Variants in SMAD3 observed in about 807,000 individuals in gnomAD.
SMAD3 encodes the protein SMAD family member 3.
Under a neutral mutation model 51.8 loss-of-function variants are expected in SMAD3, and 12 were observed. The observed-to-expected ratio is 0.23, with a 90% CI of 0.15 to 0.38. The LOEUF (loss-of-function observed/expected upper bound fraction) is 0.38, where lower values mean the gene tolerates loss of function less well. Among genes scored for constraint, SMAD3 ranks in the 10% least tolerant of loss-of-function variants. The pLI, the probability that SMAD3 is intolerant of heterozygous loss-of-function variation, is 1.00. For missense variants in SMAD3, 294 were observed against 565.6 expected (o/e 0.52, Z 4.87); for synonymous variants, 238 against 227.7 (o/e 1.05, Z -0.41).
rs1490083716 is a variant in SMAD3, at chr15:67,065,704, G to C, written c.-451G>C. On this transcript the variant is annotated 5_prime_UTR_variant, in exon 1 of 9. Transcript: ENST00000327367. The stretch of plus-strand genomic sequence containing the variant: ...GGCGAGCCGGGAGGAGGAGGGTGGC[G>C]GGGCGGTGAGGCCGCAGAGGCGGAG... The C allele has an allele frequency of 2.0e-5, 4 of 199,066 alleles. No homozygotes were observed. Among genetic ancestry groups the C allele is most frequent in the Admixed American group, 1.2e-4 (2 of 16,572 alleles). The allele number at this position is 199,066 out of a possible 1,614,324, so 12.3% of individuals were successfully genotyped here.
intron 1 of SMAD3, among the ~76,000 whole-genome samples, chr15:67,152,445 C>A (rs1429713751): frequency 6.6e-6 from 1 of 152,190 alleles, no homozygotes; most frequent in Non-Finnish European, 1.5e-5. Context: ...GAAGATGGGT[C>A]TAAACACACC....
At chr15:67,105,707 T>A (rs923944612) in intron 1 of SMAD3, among the ~76,000 whole-genome samples, 1 of 152,188 alleles carries the variant, frequency 6.6e-6, no homozygotes, top group Non-Finnish European at 1.5e-5. Context: ...GAAACAGGAA[T>A]GTGTCTCTTA....
At chr15:67,133,806 T>C (rs1202566822) in intron 1 of SMAD3, among the ~76,000 whole-genome samples, 2 of 152,086 alleles carry the variant, frequency 1.3e-5, no homozygotes, top group Admixed American at 1.3e-4. Flanking sequence ...GAATGATCTG[T>C]TTTAACCTTT....
In SMAD3 at chr15:67,066,398, G is replaced by A. The variant is rs753486545; in HGVS notation, c.206+38G>A. 30 of 1,574,128 alleles carry A rather than the reference G, an allele frequency of 1.9e-5. 1 individual carries two copies. In the South Asian group the frequency reaches 3.1e-4, roughly 16 times the overall value. ...CCGGGGGGGACCCGGGGTCACGCCG[G>A]CCCAGCCCCCTGGCACTGCGGGGCC... is the stretch of plus-strand genomic sequence containing the variant. On this transcript the variant is annotated intron_variant, in intron 1 of 8. Transcript: ENST00000327367.
intron 5 of SMAD3, among the ~76,000 whole-genome samples, chr15:67,171,522 T>C (rs1027971699): frequency 1.3e-5 from 2 of 152,254 alleles, no homozygotes; most frequent in Admixed American, 6.5e-5. Flanking sequence ...AGTTGGATTT[T>C]GTTTGGAACT....
intron 1 of SMAD3, among the ~76,000 whole-genome samples, chr15:67,156,683 G>C (rs906252533): frequency 1.3e-4 from 14 of 106,502 alleles, no homozygotes; most frequent in African/African-American, 5.2e-4. Context: ...TAAATCCATT[G>C]TTTATGCTCA....
intron 1 of SMAD3, among the ~76,000 whole-genome samples, chr15:67,130,893 A>G (rs1387173913): frequency 1.4e-5 from 2 of 143,568 alleles, no homozygotes; most frequent in South Asian, 2.4e-4. Flanking sequence ...AGTGGGGGGT[A>G]TGAGGTGGGG....
chr15:67,075,077 T>C (rs1960140135), intron 1 of SMAD3, among the ~76,000 whole-genome samples: 1 of 152,188 alleles, frequency 6.6e-6, no homozygotes, highest in Non-Finnish European at 1.5e-5. Flanking sequence ...TGTGTGTTTT[T>C]TAAAGGTCTG....
At chr15:67,081,675 C>T (rs903824675) in intron 1 of SMAD3, among the ~76,000 whole-genome samples, 10 of 152,132 alleles carry the variant, frequency 6.6e-5, no homozygotes, top group Admixed American at 4.6e-4. Flanking sequence ...CCAAGGGTGG[C>T]CACAACTGTT....
At chr15:67,181,628 T>A (rs899954816) in intron 6 of SMAD3, among the ~76,000 whole-genome samples, 175 bp downstream of exon 6, 3 of 151,844 alleles carry the variant, frequency 2.0e-5, no homozygotes, top group African/African-American at 7.3e-5. Context: ...TCCCCTACAC[T>A]CTCTGTTGCC....
intron 8 of SMAD3, among the ~76,000 whole-genome samples, chr15:67,188,927 G>T (rs577347732): frequency 6.6e-6 from 1 of 152,150 alleles, no homozygotes; most frequent in Non-Finnish European, 1.5e-5. Flanking sequence ...AGGGTGTCAG[G>T]GAACACAGCC....
intron 1 of SMAD3, among the ~76,000 whole-genome samples, chr15:67,150,819 TATTAAGAGAGCAAAGCTA>T (rs1566985973): frequency 1.1e-4 from 11 of 100,790 alleles, no homozygotes; most frequent in Non-Finnish European, 1.8e-4. Context: ...TTTTTTTTTT[TATTAAGAGAGCAAAGCTA>T]TTTCTCAGTC....
At chr15:67,118,534 G>C (rs1435577270) in intron 1 of SMAD3, among the ~76,000 whole-genome samples, 2 of 152,168 alleles carry the variant, frequency 1.3e-5, no homozygotes, top group Admixed American at 1.3e-4. Flanking sequence ...AATCGGGTGA[G>C]GGGAGATGTA....
intron 1 of SMAD3, among the ~76,000 whole-genome samples, chr15:67,122,818 C>CAAGG (rs1264973939): frequency 6.6e-6 from 1 of 152,128 alleles, no homozygotes; most frequent in Non-Finnish European, 1.5e-5. Flanking sequence ...GGACTTCAGA[C>CAAGG]AAGGACTTAA....
At chr15:67,090,240 T>C (rs1050038311) in intron 1 of SMAD3, among the ~76,000 whole-genome samples, 1 of 152,112 alleles carries the variant, frequency 6.6e-6, no homozygotes, top group African/African-American at 2.4e-5. Context: ...GTGCCTCTCC[T>C]GGGGTGGTGG....
chr15:67,067,655 G>A (rs1031979880), intron 1 of SMAD3, among the ~76,000 whole-genome samples: 1 of 152,214 alleles, frequency 6.6e-6, no homozygotes, highest in Admixed American at 6.5e-5. Context: ...GGAACCGAGG[G>A]CAGGCCTCCC....
intron 1 of SMAD3, among the ~76,000 whole-genome samples, chr15:67,133,118 C>A (rs7178117): frequency 2.2e-4 from 33 of 152,034 alleles, no homozygotes; most frequent in Admixed American, 1.8e-3. Flanking sequence ...TAGCCCAGCC[C>A]AAGCAGCAGA....
rs1335385050 is a variant in SMAD3, at chr15:67,065,837, C to T, written c.-318C>T. 9.3e-6 allele frequency: 2 copies of T among 214,386 alleles called. No individual in the cohort carries two copies. Among genetic ancestry groups the T allele is most frequent in the East Asian group, 6.6e-5 (1 of 15,044 alleles). The allele number at this position is 214,386 out of a possible 1,614,324, so 13.3% of individuals were successfully genotyped here. On this transcript the variant is annotated 5_prime_UTR_variant, in exon 1 of 9. Transcript: ENST00000327367. ...CTACCCCGTGCGGAAACCCAAACTT[C>T]TGCTGCCACTTGGAGTCTCGCGGCC... is the stretch of plus-strand genomic sequence containing the variant.
At chr15:67,067,338 G>C (rs762178748) in intron 1 of SMAD3, among the ~76,000 whole-genome samples, 1 of 152,200 alleles carries the variant, frequency 6.6e-6, no homozygotes, top group Non-Finnish European at 1.5e-5. Flanking sequence ...CACTCCCCCA[G>C]GGCCTTCCTT....
Sources: allele counts gnomAD v4.1 joint callset (sites outside exome capture counted in the v4.1 genomes callset), GRCh38; gene constraint gnomAD v4.1.1; transcripts MANE v1.5; gene names NCBI Gene and HGNC (gene_info 2026-07-23, HGNC 2026-07-21).